PRKCE: variants seen among roughly 807,000 people sequenced by gnomAD.
PRKCE encodes the protein protein kinase C epsilon.
A neutral mutation model predicts 85.4 loss-of-function variants in PRKCE; 16 were observed. The ratio of observed to expected loss-of-function variants is 0.19; its 90% CI spans 0.13 to 0.28. The LOEUF is 0.28. Ranked by LOEUF, PRKCE falls within the 10% of genes least tolerant of loss-of-function variation. PRKCE has a pLI of 1.00. For missense variants in PRKCE, 573 were observed against 975.2 expected (o/e 0.59, Z 5.49); for synonymous variants, 388 against 371.5 (o/e 1.04, Z -0.51).
intron 11 of PRKCE, among the ~76,000 whole-genome samples, chr2:46,113,946 A>T (rs953815538): frequency 1.3e-5 from 2 of 152,126 alleles, no homozygotes; most frequent in African/African-American, 4.8e-5. Flanking sequence ...ACTATTCAAG[A>T]TACTGCTAGT....
At chr2:45,955,090 TACTCCATCAA>T (rs1558881228) in intron 2 of PRKCE, among the ~76,000 whole-genome samples, 4 of 151,638 alleles carry the variant, frequency 2.6e-5, no homozygotes, top group African/African-American at 9.7e-5. Context: ...CTCCATCAAG[TACTCCATCAA>T]GTATATAATT....
chr2:45,676,334 A>T (rs1222370708), intron 1 of PRKCE, among the ~76,000 whole-genome samples: 1 of 152,224 alleles, frequency 6.6e-6, no homozygotes, highest in Non-Finnish European at 1.5e-5. Context: ...CTAGTGATTG[A>T]AGTGTTGCTG....
At chr2:45,962,143 ACTTT>A (rs1701426324) in intron 2 of PRKCE, among the ~76,000 whole-genome samples, 1 of 152,222 alleles carries the variant, frequency 6.6e-6, no homozygotes, top group South Asian at 2.1e-4. Context: ...GGAAAGTGAC[ACTTT>A]CTTTAAGTAA....
In PRKCE at chr2:46,145,347, T is replaced by C; in HGVS notation, c.1731+116T>C. On this transcript the variant is annotated intron_variant, in intron 12 of 14. Coordinates refer to ENST00000306156, the MANE Select transcript of PRKCE (RefSeq NM_005400.3). The surrounding 1 kb of genome is among the most constrained non-coding windows in gnomAD (Gnocchi z 4.6). Reference sequence around the variant, plus strand: ...GGGGGAAGGCTCTGGAAATCCAGGATGGATTCTAGGAAGGAGGGAGAAAAG... The same window carrying C: ...GGGGGAAGGCTCTGGAAATCCAGGACGGATTCTAGGAAGGAGGGAGAAAAG... 1 of 1,375,002 alleles carries C rather than the reference T, an allele frequency of 7.3e-7. No homozygotes were observed. Among genetic ancestry groups the C allele is most frequent in the South Asian group, 1.3e-5 (1 of 77,454 alleles). 85.2% of individuals were successfully genotyped at this position (1,375,002 alleles called of 1,614,324 possible).
chr2:45,898,331 C>T (rs1403092151), intron 2 of PRKCE, among the ~76,000 whole-genome samples: 1 of 152,166 alleles, frequency 6.6e-6, no homozygotes, highest in Admixed American at 6.5e-5. Context: ...AAATTATGTT[C>T]AGTCTGAGCA....
intron 1 of PRKCE, among the ~76,000 whole-genome samples, chr2:45,776,699 C>A (rs148766522): frequency 3.3e-5 from 5 of 152,334 alleles, no homozygotes; most frequent in Non-Finnish European, 5.9e-5. Flanking sequence ...TGCTTCTCCC[C>A]CTCCCTCCAC....
At chr2:46,140,944 A>G (rs1045721963) in intron 11 of PRKCE, among the ~76,000 whole-genome samples, 1 of 152,202 alleles carries the variant, frequency 6.6e-6, no homozygotes, top group African/African-American at 2.4e-5. Context: ...ACTTAATAAT[A>G]TAATGAGATA....
At chr2:45,689,139 A>T (rs1398559203) in intron 1 of PRKCE, among the ~76,000 whole-genome samples, 1 of 152,236 alleles carries the variant, frequency 6.6e-6, no homozygotes, top group Non-Finnish European at 1.5e-5. Flanking sequence ...TATTTGCTTT[A>T]CAAGAAGGGA....
chr2:45,849,952 G>A (rs569639813), intron 2 of PRKCE, among the ~76,000 whole-genome samples: 27 of 152,142 alleles, frequency 1.8e-4, no homozygotes, highest in Non-Finnish European at 3.7e-4. Context: ...GGAAAACAGT[G>A]AGCACCAAGC....
intron 11 of PRKCE, among the ~76,000 whole-genome samples, chr2:46,116,822 A>G (rs1226626897): frequency 4.6e-5 from 7 of 152,170 alleles, no homozygotes; most frequent in Non-Finnish European, 1.0e-4. Flanking sequence ...AATGAGGGAA[A>G]GGAGAAAGAG....
At chr2:45,805,410 G>A (rs1015009526) in intron 1 of PRKCE, among the ~76,000 whole-genome samples, 4 of 152,030 alleles carry the variant, frequency 2.6e-5, no homozygotes, top group Non-Finnish European at 4.4e-5. Context: ...CTCAGCGTTC[G>A]TGCCCACACA....
chr2:46,113,949 C>G (rs529488584), intron 11 of PRKCE, among the ~76,000 whole-genome samples: 17 of 152,184 alleles, frequency 1.1e-4, no homozygotes, highest in Non-Finnish European at 2.1e-4. Context: ...ATTCAAGATA[C>G]TGCTAGTTAT....
intron 10 of PRKCE, among the ~76,000 whole-genome samples, chr2:46,048,491 G>C (rs920377174): frequency 1.3e-5 from 2 of 152,192 alleles, no homozygotes; most frequent in East Asian, 3.8e-4. Context: ...GAGCCCCTCT[G>C]CCAGTGCCTC....
intron 6 of PRKCE, among the ~76,000 whole-genome samples, chr2:45,988,017 A>G (rs956553304): frequency 1.3e-5 from 2 of 152,238 alleles, no homozygotes; most frequent in Admixed American, 6.5e-5. Context: ...GCAAGTCCCT[A>G]TGAAGCTGGC....
chr2:45,801,253 G>T (rs1408370925), intron 1 of PRKCE, among the ~76,000 whole-genome samples: 1 of 152,170 alleles, frequency 6.6e-6, no homozygotes, highest in Non-Finnish European at 1.5e-5. Flanking sequence ...CTGACCAGTG[G>T]CCAGGAAAAT....
At chr2:45,947,040 C>T (rs143859202) in intron 2 of PRKCE, among the ~76,000 whole-genome samples, 1 of 152,220 alleles carries the variant, frequency 6.6e-6, no homozygotes. Flanking sequence ...ACAGAAAACT[C>T]TCTCAACCTC....
chr2:46,148,428 G>A (rs993421251), intron 12 of PRKCE, among the ~76,000 whole-genome samples: 9 of 152,182 alleles, frequency 5.9e-5, no homozygotes, highest in Non-Finnish European at 8.8e-5. Context: ...GTGGCAGGGC[G>A]GCTCTGTGGT....
chr2:46,004,002 G>A lies in PRKCE; in HGVS notation c.967-540G>A, dbSNP rs1025760095. 2 of 158,012 alleles carry A rather than the reference G, an allele frequency of 1.3e-5. No individual in the cohort carries two copies. Among genetic ancestry groups the A allele is most frequent in the African/African-American group, 4.8e-5 (2 of 41,456 alleles). 9.8% of individuals were successfully genotyped at this position (158,012 alleles called of 1,614,324 possible). A position where few individuals can be genotyped will look rare whatever the true frequency, so the allele number is the denominator to read the frequency against. On this transcript the variant is annotated intron_variant, in intron 7 of 14. Transcript: ENST00000306156. This position sits in a 1 kb window ranked among gnomAD's most constrained non-coding sequence, Gnocchi z 4.1. ...ATTTGCCCTTCTCTTTTCCTACTTG[G>A]TGAGATGTGGCTTTCCGTTCAAAGA...
intron 1 of PRKCE, among the ~76,000 whole-genome samples, chr2:45,665,626 G>C (rs1180338206): frequency 6.6e-6 from 1 of 152,180 alleles, no homozygotes; most frequent in Non-Finnish European, 1.5e-5. Flanking sequence ...TCTTGCAGGT[G>C]CACTGAGCCC....
Sources: allele counts gnomAD v4.1 joint callset (sites outside exome capture counted in the v4.1 genomes callset), GRCh38; gene constraint gnomAD v4.1.1; non-coding constraint Gnocchi (gnomAD v3.1); transcripts MANE v1.5; gene names NCBI Gene and HGNC (gene_info 2026-07-23, HGNC 2026-07-21).